Variants in CELF2 observed in about 807,000 individuals in gnomAD.
The protein encoded by CELF2 is CUG triplet repeat RNA-binding protein 2.
In CELF2, 8 loss-of-function variants were observed where a neutral mutation model predicts 62.6. The observed-to-expected ratio is 0.13, with a 90% CI of 0.07 to 0.23. The LOEUF (loss-of-function observed/expected upper bound fraction) is 0.23, where lower values mean the gene tolerates loss of function less well. Ranked by LOEUF, CELF2 falls within the 10% of genes least tolerant of loss-of-function variation. CELF2 has a pLI of 1.00. For missense variants in CELF2, 333 were observed against 671.0 expected, an observed-to-expected ratio of 0.50 and a Z score of 5.56; for synonymous variants, 258 against 250.0, an observed-to-expected ratio of 1.03 and a Z score of -0.30.
At chr10:10,588,103 G>A in the CELF2 span, among the ~76,000 whole-genome samples, 1 of 151,886 alleles carries the variant, frequency 6.6e-6, no homozygotes, top group East Asian at 1.9e-4. Flanking sequence ...AAGCATAAAT[G>A]TTTCCACCAA....
intron 1 of CELF2, among the ~76,000 whole-genome samples, chr10:11,062,157 A>G (rs933937894): frequency 5.9e-5 from 9 of 152,190 alleles, no homozygotes; most frequent in Admixed American, 5.2e-4. Flanking sequence ...AGGGGGGGAA[A>G]AAAAAATTCC....
At chr10:10,742,511 C>T in the CELF2 span, among the ~76,000 whole-genome samples, 1 of 151,146 alleles carries the variant, frequency 6.6e-6, no homozygotes, top group Non-Finnish European at 1.5e-5. Flanking sequence ...CGCTGGTGGT[C>T]CCAGCTGCTC....
intron 1 of CELF2, among the ~76,000 whole-genome samples, chr10:11,119,759 CT>C (rs2057330979): frequency 6.6e-6 from 1 of 151,930 alleles, no homozygotes. Flanking sequence ...CCTCCTCCCC[CT>C]ATAATGATCA....
chr10:10,577,606 G>A, the CELF2 span, among the ~76,000 whole-genome samples: 120 of 151,136 alleles, frequency 7.9e-4, no homozygotes, highest in African/African-American at 2.6e-3. Context: ...GAGAACATGC[G>A]GTGTTTGTTT....
intron 1 of CELF2, among the ~76,000 whole-genome samples, chr10:10,836,797 G>A (rs760142355): frequency 2.6e-5 from 4 of 152,120 alleles, no homozygotes; most frequent in African/African-American, 4.8e-5. Context: ...CACCACGCCC[G>A]GCTAATTTTT....
the CELF2 span, among the ~76,000 whole-genome samples, chr10:10,645,528 C>T: frequency 6.6e-6 from 1 of 152,092 alleles, no homozygotes; most frequent in East Asian, 1.9e-4. Context: ...GTAGCACGCC[C>T]ATGTAGTCCC....
chr10:10,514,027 T>C, the CELF2 span, among the ~76,000 whole-genome samples: 1 of 152,186 alleles, frequency 6.6e-6, no homozygotes, highest in Non-Finnish European at 1.5e-5. Flanking sequence ...AGCCTTCCAC[T>C]TGCTCTCACT....
At chr10:11,212,032 C>T (rs1258387450) in intron 2 of CELF2, among the ~76,000 whole-genome samples, 1 of 152,182 alleles carries the variant, frequency 6.6e-6, no homozygotes, top group Non-Finnish European at 1.5e-5. Flanking sequence ...GTATGTCACA[C>T]TCAGCCTCTC....
At chr10:10,755,475 C>G in the CELF2 span, among the ~76,000 whole-genome samples, 1 of 152,194 alleles carries the variant, frequency 6.6e-6, no homozygotes, top group African/African-American at 2.4e-5. Flanking sequence ...TCTACTGGCT[C>G]TGCTACATTT....
chr10:10,722,523 A>T, the CELF2 span, among the ~76,000 whole-genome samples: 3 of 152,298 alleles, frequency 2.0e-5, no homozygotes, highest in South Asian at 6.2e-4. Context: ...TTGAAAACAC[A>T]ACTATGTCCC....
rs1266021839 is a variant in CELF2, at chr10:11,315,074, G to A, written c.1096+816G>A. Among the ~76,000 whole-genome samples, 1 of 152,192 alleles carries A rather than the reference G, an allele frequency of 6.6e-6. No homozygotes were observed. Among genetic ancestry groups the A allele is most frequent in the Non-Finnish European group, 1.5e-5 (1 of 68,040 alleles). Reference sequence around the variant, plus strand: ...CGCTCCTGTCATTCTCGGTTGATGGGGGAGCAGTGTGCCGGCCAGAGGATA... The same window carrying A: ...CGCTCCTGTCATTCTCGGTTGATGGAGGAGCAGTGTGCCGGCCAGAGGATA... On this transcript the variant is annotated intron_variant, in intron 10 of 12. Transcript: ENST00000633077. This position sits in a 1 kb window ranked among gnomAD's most constrained non-coding sequence, Gnocchi z 5.8.
intron 1 of CELF2, among the ~76,000 whole-genome samples, chr10:11,115,907 G>A (rs749564099): frequency 1.3e-5 from 2 of 152,146 alleles, no homozygotes; most frequent in South Asian, 2.1e-4. Context: ...TTCACATCTT[G>A]TACCACCTTC....
At chr10:11,043,754 A>G (rs1001402948) in intron 1 of CELF2, among the ~76,000 whole-genome samples, 1 of 152,162 alleles carries the variant, frequency 6.6e-6, no homozygotes, top group Non-Finnish European at 1.5e-5. Context: ...CTTACGCCCC[A>G]GACCGAGTAC....
At chr10:10,800,744 G>C (rs997056060) in intron 1 of CELF2, among the ~76,000 whole-genome samples, 10 of 152,072 alleles carry the variant, frequency 6.6e-5, no homozygotes, top group Non-Finnish European at 1.2e-4. Flanking sequence ...GAGTCCTTCA[G>C]TGATTTTTTT....
chr10:10,581,521 C>T, the CELF2 span, among the ~76,000 whole-genome samples: 2 of 152,128 alleles, frequency 1.3e-5, no homozygotes, highest in Admixed American at 1.3e-4. Flanking sequence ...CACACCAACA[C>T]AAGTAACAGA....
At chr10:10,639,253 T>C in the CELF2 span, among the ~76,000 whole-genome samples, 1 of 152,246 alleles carries the variant, frequency 6.6e-6, no homozygotes, top group African/African-American at 2.4e-5. Context: ...GCTAGTATTA[T>C]TGTCAGCTTA....
the CELF2 span, among the ~76,000 whole-genome samples, chr10:10,575,927 A>C: frequency 1.3e-5 from 2 of 152,224 alleles, no homozygotes; most frequent in East Asian, 3.8e-4. Context: ...AATCATGAGC[A>C]GACATTATCT....
the CELF2 span, among the ~76,000 whole-genome samples, chr10:10,661,278 T>C: frequency 2.0e-5 from 3 of 152,376 alleles, no homozygotes; most frequent in South Asian, 6.2e-4. Context: ...TGTCTCCTTT[T>C]TGCATCTGGT....
At position 11,059,645 on chromosome 10, in the gene CELF2, C is replaced by G. The variant is rs2066222086; in HGVS notation, c.74+41482C>G. ...AAAGAGTTGTGCTATTGCAATAAGC[C>G]CATAGCCTTGCAGACTCCGAGATAG... On this transcript the variant is annotated intron_variant, in intron 1 of 12. Transcript: ENST00000633077. Among the ~76,000 whole-genome samples the G allele has an allele frequency of 2.0e-5, 3 of 151,998 alleles. No individual in the cohort carries two copies. In the South Asian group the frequency reaches 6.2e-4, roughly 32 times the overall value.
Sources: allele counts gnomAD v4.1 joint callset (sites outside exome capture counted in the v4.1 genomes callset), GRCh38; gene constraint gnomAD v4.1.1; non-coding constraint Gnocchi (gnomAD v3.1); transcripts MANE v1.5; gene names NCBI Gene and HGNC (gene_info 2026-07-23, HGNC 2026-07-21).